TRPM6: variants seen among roughly 807,000 people sequenced by gnomAD.
TRPM6 encodes transient receptor potential cation channel subfamily M member 6.
A neutral mutation model predicts 247.6 loss-of-function variants in TRPM6; 111 were observed. The ratio of observed to expected loss-of-function variants is 0.45; its 90% CI spans 0.38 to 0.52. TRPM6 has a LOEUF of 0.52. Ranked by LOEUF, TRPM6 falls within the 20% of genes least tolerant of loss-of-function variation. The pLI, the probability that TRPM6 is intolerant of heterozygous loss-of-function variation, is 0.00. For synonymous variants in TRPM6, 892 were observed against 853.8 expected, an observed-to-expected ratio of 1.04 and a Z score of -0.78; for missense variants, 2,126 against 2,421.5, an observed-to-expected ratio of 0.88 and a Z score of 2.56.
At chr9:74,782,325 C>G (rs992742086) in intron 23 of TRPM6, 37 bp downstream of exon 23, 2 of 1,494,046 alleles carry the variant, frequency 1.3e-6, no homozygotes, top group Non-Finnish European at 1.9e-6. Context: ...GCCCACATTT[C>G]TTATTTAAAT....
At chr9:74,852,455 C>T (rs1056564809) in intron 3 of TRPM6, among the ~76,000 whole-genome samples, 1 of 70,516 alleles carries the variant, frequency 1.4e-5, no homozygotes, top group African/African-American at 3.5e-5. Context: ...CCCCTCCTCC[C>T]TCTCCCTCTC....
chr9:74,791,030 C>A (rs1471005222), intron 19 of TRPM6, among the ~76,000 whole-genome samples: 1 of 152,138 alleles, frequency 6.6e-6, no homozygotes, highest in Non-Finnish European at 1.5e-5. Context: ...CCATGGTGGG[C>A]AGATCTGGCT....
At chr9:74,733,039 C>G (rs1176847124) in intron 36 of TRPM6, among the ~76,000 whole-genome samples, 1 of 151,758 alleles carries the variant, frequency 6.6e-6, no homozygotes, top group Non-Finnish European at 1.5e-5. Context: ...ACTAAAAATG[C>G]AAAAATTAGC....
chr9:74,731,171 T>G (rs1825506147), intron 37 of TRPM6, among the ~76,000 whole-genome samples: 1 of 152,204 alleles, frequency 6.6e-6, no homozygotes, highest in Non-Finnish European at 1.5e-5. Flanking sequence ...CTTAGAATTC[T>G]AAATGATAGA....
Position 74,763,074 on chromosome 9 carries a change from G to A in TRPM6, c.3597C>T (p.Asp1199=), listed in dbSNP as rs1394077128. The part of the protein sequence containing the change: ...EMNEKVSFIK[D]SLLSLDSQVG... ...CCTGGCTGTCCAAAGACAGTAAGGA[G>A]TCCTTTATAAAAGACACCTTTTCAT... Residue 1199 remains aspartate, a synonymous_variant, in exon 26 of 39, where the codon GAC becomes GAT. Coordinates refer to ENST00000360774, the MANE Select transcript of TRPM6 (RefSeq NM_017662.5). 3 of 1,614,088 alleles carry A rather than the reference G, an allele frequency of 1.9e-6. No individual in the cohort carries two copies.
intron 3 of TRPM6, among the ~76,000 whole-genome samples, chr9:74,848,851 C>T (rs540103310): frequency 2.6e-5 from 4 of 152,120 alleles, no homozygotes; most frequent in African/African-American, 9.6e-5. Flanking sequence ...CAAATACATA[C>T]AGTGAGAAGA....
At chr9:74,823,968 T>C (rs1348955771) in intron 7 of TRPM6, among the ~76,000 whole-genome samples, 1 of 152,004 alleles carries the variant, frequency 6.6e-6, no homozygotes, top group East Asian at 1.9e-4. Flanking sequence ...AAAATATACA[T>C]ATGAAAAGGT....
At position 74,782,772 on chromosome 9, in the gene TRPM6, G is replaced by A. The variant is rs1482193421; in HGVS notation, c.3001C>T (p.Pro1001Ser). The change falls in exon 22 of 39, where the codon CCA becomes TCA. Residue 1001 changes from proline (P) to serine (S), a missense_variant. Around this residue, in one of 3 missense-constraint regions of TRPM6, gnomAD observed 1,082 missense variants for 1,307.9 expected, o/e 0.83. Coordinates refer to ENST00000360774, the MANE Select transcript of TRPM6 (RefSeq NM_017662.5). ...FGVARKAILS[P>S]KEPPSWSLAR... ...AGACTCCAAGATGGTGGCTCTTTTG[G>A]CGAAAGGATGGCCTTGCGTGCCACT... The A allele has an allele frequency of 6.2e-7, 1 of 1,614,066 alleles. No homozygotes were observed. Among genetic ancestry groups the A allele is most frequent in the Admixed American group, 1.7e-5 (1 of 60,004 alleles).
At position 74,858,669 on chromosome 9, in the gene TRPM6, CT is replaced by C; in HGVS notation, c.112del (p.Arg38AspfsTer12). 6.2e-7 allele frequency: 1 copy of C among 1,609,878 alleles called. No homozygotes were observed. The highest frequency in any genetic ancestry group is 8.5e-7 in the Non-Finnish European group (1 of 1,177,022). Reference protein sequence around the residue: ...TIIPSSKNPHRCTPVCQVCQN... With the variant: ...TIIPSSKNPHXCTPVCQVCQN... Reference sequence around the variant, plus strand: ...AGAAGAAGGTAATTGAAAATTTTACCTGTGAGGATTTTTTGAGCTGGGTATG... The same window carrying C: ...AGAAGAAGGTAATTGAAAATTTTACCGTGAGGATTTTTTGAGCTGGGTATG... On this transcript the variant is annotated frameshift_variant and splice_region_variant, in exon 2 of 39. Coordinates refer to ENST00000360774, the MANE Select transcript of TRPM6 (RefSeq NM_017662.5). LOFTEE classifies it high-confidence loss of function.
rs1829211473 is a variant in TRPM6, at chr9:74,823,651, T to C, written c.842-1814A>G. Among the ~76,000 whole-genome samples the C allele has an allele frequency of 2.0e-5, 3 of 152,292 alleles. No homozygotes were observed. The South Asian group carries it at 6.2e-4, about 32-fold the overall frequency. ...CATAGGGTTTCTCTAAATAGTCTTATAAAAGCCAAATGAGGCGGCAAAAAT... is the reference window on the plus strand; with the variant it reads ...CATAGGGTTTCTCTAAATAGTCTTACAAAAGCCAAATGAGGCGGCAAAAAT... On this transcript the variant is annotated intron_variant, in intron 7 of 38. Transcript: ENST00000360774.
chr9:74,851,757 A>T (rs190509917), intron 3 of TRPM6, among the ~76,000 whole-genome samples: 7,007 of 139,484 alleles, frequency 0.05, 529 homozygotes, highest in African/African-American at 0.17. Context: ...TCAAAAAAAA[A>T]AAAAAAATAT....
In TRPM6 at chr9:74,816,656, A is replaced by G. The variant is rs182195293; in HGVS notation, c.1308+13T>C. On this transcript the variant is annotated intron_variant, in intron 11 of 38. Coordinates refer to ENST00000360774, the MANE Select transcript of TRPM6 (RefSeq NM_017662.5). ...CAAAATATTTTTTCCGAATAACTTC[A>G]TTTTCACTATACCTTCCAGTGTTGT... 62 of 1,608,490 alleles carry G rather than the reference A, an allele frequency of 3.9e-5. No homozygotes were observed. In the Admixed American group the frequency reaches 1.0e-3, roughly 26 times the overall value.
intron 6 of TRPM6, among the ~76,000 whole-genome samples, chr9:74,828,170 G>A (rs368281524): frequency 4.9e-4 from 75 of 152,024 alleles, no homozygotes; most frequent in African/African-American, 1.6e-3. Flanking sequence ...TTACTAACAC[G>A]GTGAAACCCC....
chr9:74,724,688 T>TA lies in TRPM6; in HGVS notation c.5993dup (p.Ile2000AsnfsTer5). On this transcript the variant is annotated frameshift_variant, in exon 39 of 39. Coordinates refer to ENST00000360774, the MANE Select transcript of TRPM6 (RefSeq NM_017662.5). LOFTEE classifies it low-confidence loss of function (END_TRUNC). ...GAGGCTCCTCAGCTGATTCTATTTT[T>TA]ATCTCAAGTCCAAAGGTGGAATTTA... 1 of 1,614,202 alleles carries TA rather than the reference T, an allele frequency of 6.2e-7. No homozygotes were observed. The highest frequency in any genetic ancestry group is 8.5e-7 in the Non-Finnish European group (1 of 1,180,024).
intron 3 of TRPM6, among the ~76,000 whole-genome samples, chr9:74,846,834 C>G (rs1830125377): frequency 6.6e-6 from 1 of 152,166 alleles, no homozygotes; most frequent in South Asian, 2.1e-4. Context: ...CAGTCGTGAG[C>G]CACTGCTCCC....
At chr9:74,821,954 G>T in intron 7 of TRPM6, 117 bp from the exon 8 acceptor site, 1 of 1,168,872 alleles carries the variant, frequency 8.6e-7, no homozygotes, top group Non-Finnish European at 1.2e-6. Context: ...TCCTCACACT[G>T]GCCCCTCTCT....
rs923836946 is a variant in TRPM6 at position 74,787,932 on chromosome 9, G to A, written c.2667+682C>T. Among the ~76,000 whole-genome samples the A allele has an allele frequency of 3.3e-5, 5 of 151,944 alleles. No individual in the cohort carries two copies. The South Asian group carries it at 1.0e-3, about 31-fold the overall frequency. On this transcript the variant is annotated intron_variant, in intron 20 of 38. Coordinates refer to ENST00000360774, the MANE Select transcript of TRPM6 (RefSeq NM_017662.5). ...GGGTTTCACCATGTTAGCCAAGATG[G>A]TCTCGATCTCCTGACCTCGTGATCT... is the stretch of plus-strand genomic sequence containing the variant.
At chr9:74,869,324 G>A (rs1240874603) in intron 1 of TRPM6, among the ~76,000 whole-genome samples, 1 of 151,834 alleles carries the variant, frequency 6.6e-6, no homozygotes, top group African/African-American at 2.4e-5. Flanking sequence ...CAAAAAATTA[G>A]CCAGGCATGG....
intron 25 of TRPM6, among the ~76,000 whole-genome samples, chr9:74,766,426 T>C (rs1488468302): frequency 6.6e-6 from 1 of 152,216 alleles, no homozygotes; most frequent in East Asian, 1.9e-4. Flanking sequence ...AATTGTTTTA[T>C]TATGGGCCTT....
Sources: allele counts gnomAD v4.1 joint callset (sites outside exome capture counted in the v4.1 genomes callset), GRCh38; gene constraint gnomAD v4.1.1; regional missense constraint gnomAD v4.1.1; transcripts MANE v1.5; gene names NCBI Gene and HGNC (gene_info 2026-07-23, HGNC 2026-07-21).